MYOF: variants seen among roughly 807,000 people sequenced by gnomAD.
MYOF encodes the protein fer-1-like 3, myoferlin.
A neutral mutation model predicts 284.2 loss-of-function variants in MYOF; 244 were observed. The observed-to-expected ratio is 0.86, with a 90% CI of 0.77 to 0.95. The LOEUF (loss-of-function observed/expected upper bound fraction) is 0.95, where lower values mean the gene tolerates loss of function less well. Ranked by LOEUF, MYOF falls within the 40% of genes least tolerant of loss-of-function variation. The pLI is 0.00. For synonymous variants in MYOF, 904 were observed against 919.7 expected, an observed-to-expected ratio of 0.98 and a Z score of 0.31; for missense variants, 2,496 against 2,560.6, an observed-to-expected ratio of 0.97 and a Z score of 0.54.
At chr10:93,366,627 A>T in intron 25 of MYOF, 72 bp from the exon 26 acceptor site, 1 of 1,330,728 alleles carries the variant, frequency 7.5e-7, no homozygotes, top group Admixed American at 2.3e-5. Context: ...ATACATTTTC[A>T]AGTTCATCGA....
intron 41 of MYOF, among the ~76,000 whole-genome samples, chr10:93,334,341 A>T (rs1480607587): frequency 1.3e-5 from 2 of 151,256 alleles, no homozygotes; most frequent in Non-Finnish European, 2.9e-5. Flanking sequence ...TTATCTTTCA[A>T]ATCTCAGCTG....
chr10:93,383,660 C>T (rs546787646), intron 19 of MYOF, among the ~76,000 whole-genome samples: 1 of 152,274 alleles, frequency 6.6e-6, no homozygotes, highest in East Asian at 1.9e-4. Flanking sequence ...TTGGATTAGT[C>T]ATAACTACAT....
chr10:93,360,065 C>T, intron 28 of MYOF, 87 bp from the exon 29 acceptor site: 3 of 1,501,586 alleles, frequency 2.0e-6, no homozygotes, highest in Non-Finnish European at 2.8e-6. Flanking sequence ...TGTTCACTCT[C>T]CCTGCCCTCA....
At chr10:93,474,533 G>T (rs1462348798) in intron 1 of MYOF, among the ~76,000 whole-genome samples, 2 of 152,088 alleles carry the variant, frequency 1.3e-5, no homozygotes, top group Non-Finnish European at 2.9e-5. Flanking sequence ...GTGCTAACTA[G>T]TCGGTCACCT....
At chr10:93,346,309 C>T (rs1201136017) in intron 37 of MYOF, among the ~76,000 whole-genome samples, 1 of 152,222 alleles carries the variant, frequency 6.6e-6, no homozygotes, top group Non-Finnish European at 1.5e-5. Context: ...TCAGTACTCA[C>T]ACTTATGAAA....
chr10:93,427,984 C>T (rs1848670034), intron 4 of MYOF, among the ~76,000 whole-genome samples: 1 of 152,048 alleles, frequency 6.6e-6, no homozygotes, highest in South Asian at 2.1e-4. Context: ...TCTACTATCA[C>T]AATCATTTTA....
At chr10:93,322,997 G>T in intron 48 of MYOF, 81 bp downstream of exon 48, 1 of 1,327,824 alleles carries the variant, frequency 7.5e-7, no homozygotes. Context: ...TCCTATCTTG[G>T]GCATATTCAG....
intron 12 of MYOF, among the ~76,000 whole-genome samples, chr10:93,400,754 C>T (rs1233674611): frequency 7.2e-5 from 11 of 152,072 alleles, no homozygotes; most frequent in African/African-American, 2.4e-4. Context: ...TCACTAGAAG[C>T]GATCCCTTAA....
intron 5 of MYOF, among the ~76,000 whole-genome samples, chr10:93,419,153 T>G (rs1014644106): frequency 6.6e-6 from 1 of 152,124 alleles, no homozygotes; most frequent in Non-Finnish European, 1.5e-5. Flanking sequence ...CAAAATGCCC[T>G]TCCTTTTTTC....
chr10:93,335,912 C>CT lies in MYOF; in HGVS notation c.4563+8dup, dbSNP rs754932994. 1.9e-6 allele frequency: 3 copies of CT among 1,613,200 alleles called. No homozygotes were observed. The African/African-American group carries it at 4.0e-5, about 22-fold the overall frequency. The stretch of plus-strand genomic sequence containing the variant: ...GATTTTAAACGGGACCAACACACAT[C>CT]TTACTCACCTTAAACTCTCCAACCA... On this transcript the variant is annotated intron_variant, in intron 41 of 53. Coordinates refer to ENST00000359263, the MANE Select transcript of MYOF (RefSeq NM_013451.4).
At position 93,333,770 on chromosome 10, in the gene MYOF, G is replaced by T. The variant is rs1273742878; in HGVS notation, c.4707C>A (p.Asp1569Glu). The change falls in exon 42 of 54, where the codon GAC (aspartate) becomes GAA (glutamate). Residue 1569 changes from aspartate to glutamate, a missense_variant. By Grantham distance (45) the Asp-to-Glu change is conservative (BLOSUM62 2). Around this residue, in one of 3 missense-constraint regions of MYOF, gnomAD observed 2,436 missense variants for 2,480.7 expected, o/e 0.98. Transcript: ENST00000359263. ...CCCAAACTCTTACCAGGCCATTGTT[G>T]TCCTGGGGCTGGAGCTCTAAGCCTC... The part of the protein sequence containing the change: ...IVRGLELQPQ[D>E]NNGLCDPYIK... The T allele has an allele frequency of 6.2e-7, 1 of 1,614,040 alleles. No individual in the cohort carries two copies. Among genetic ancestry groups the T allele is most frequent in the East Asian group, 2.2e-5 (1 of 44,896 alleles).
intron 3 of MYOF, among the ~76,000 whole-genome samples, chr10:93,446,009 T>TA (rs11442920): frequency 0.23 from 34,376 of 148,842 alleles, 3,899 homozygotes; most frequent in Middle Eastern, 0.27. Context: ...CCCAGATGGT[T>TA]AAAAAAAAAA....
chr10:93,417,593 C>A (rs893195331), intron 5 of MYOF, among the ~76,000 whole-genome samples: 1 of 151,962 alleles, frequency 6.6e-6, no homozygotes, highest in African/African-American at 2.4e-5. Context: ...TCTAGCACCA[C>A]TTCTCCCTAC....
chr10:93,312,624 T>C (rs1243057510), intron 51 of MYOF, among the ~76,000 whole-genome samples: 6 of 152,060 alleles, frequency 3.9e-5, no homozygotes, highest in Non-Finnish European at 7.4e-5. Context: ...ATTACAGGCA[T>C]GAGCCACCAC....
At position 93,474,807 on chromosome 10, in the gene MYOF, C is replaced by T. The variant is rs565888025; in HGVS notation, c.88+7300G>A. On this transcript the variant is annotated intron_variant, in intron 1 of 53. Coordinates refer to ENST00000359263, the MANE Select transcript of MYOF (RefSeq NM_013451.4). ...TGTTGCCCAGGCTGGAGTGTAATGG[C>T]GCCATCTCAGCTCACTGCAACCTTC... is the stretch of plus-strand genomic sequence containing the variant. 2.7e-5 allele frequency among the ~76,000 whole-genome samples: 4 copies of T among 150,338 alleles called. No homozygotes were observed. In the South Asian group the frequency reaches 6.3e-4, roughly 24 times the overall value.
At chr10:93,363,281 A>G (rs1845162555) in intron 27 of MYOF, among the ~76,000 whole-genome samples, 1 of 152,222 alleles carries the variant, frequency 6.6e-6, no homozygotes, top group African/African-American at 2.4e-5. Context: ...ATCTTTGGGG[A>G]GTGGAATATG....
chr10:93,402,253 C>T lies in MYOF; in HGVS notation c.969G>A (p.Leu323=). 3 of 1,614,046 alleles carry T rather than the reference C, an allele frequency of 1.9e-6. No individual in the cohort carries two copies. Among genetic ancestry groups the T allele is most frequent in the Non-Finnish European group, 2.5e-6 (3 of 1,179,980 alleles). Reference sequence around the variant, plus strand: ...TCACAGGAGGCTCATCTCCGGTTCCCAGGACAAACATGCTGACTTTCATAT... The same window carrying T: ...TCACAGGAGGCTCATCTCCGGTTCCTAGGACAAACATGCTGACTTTCATAT... ...KGYMKVSMFV[L]GTGDEPPPER... The change falls in exon 11 of 54, where the codon CTG becomes CTA. Residue 323 remains leucine (L), a synonymous_variant. Coordinates refer to ENST00000359263, the MANE Select transcript of MYOF (RefSeq NM_013451.4).
At chr10:93,381,947 G>A (rs1463526129) in intron 19 of MYOF, among the ~76,000 whole-genome samples, 1 of 152,156 alleles carries the variant, frequency 6.6e-6, no homozygotes, top group African/African-American at 2.4e-5. Context: ...TGAGGCACGA[G>A]AATCTCTTGA....
At chr10:93,400,774 G>A (rs1449496435) in intron 12 of MYOF, among the ~76,000 whole-genome samples, 4 of 151,578 alleles carry the variant, frequency 2.6e-5, no homozygotes, top group Admixed American at 1.3e-4. Context: ...AATGCAACCA[G>A]TCTCTTGCTG....
Sources: gnomAD v4.1 joint callset for allele counts (sites outside exome capture counted in the v4.1 genomes callset) on GRCh38, gnomAD v4.1.1 for gene constraint, gnomAD v4.1.1 regional missense constraint, MANE v1.5 for transcripts, NCBI Gene and HGNC (gene_info 2026-07-23, HGNC 2026-07-21) for gene names.